DAB1: variants seen among roughly 807,000 people sequenced by gnomAD.
The protein encoded by DAB1 is DAB adaptor protein 1.
Under a neutral mutation model 64.6 loss-of-function variants are expected in DAB1, and 15 were observed. The observed-to-expected ratio is 0.23, with a 90% confidence interval of 0.16 to 0.36. The LOEUF (loss-of-function observed/expected upper bound fraction) is 0.36, where lower values mean the gene tolerates loss of function less well. DAB1 is among the 10% of genes least tolerant of loss of function. The pLI, the probability that DAB1 is intolerant of heterozygous loss-of-function variation, is 1.00. For synonymous variants in DAB1, 235 were observed against 251.9 expected, an observed-to-expected ratio of 0.93 and a Z score of 0.64; for missense variants, 596 against 706.7, an observed-to-expected ratio of 0.84 and a Z score of 1.78.
At chr1:57,839,019 G>A (rs1423407327) in intron 1 of DAB1, among the ~76,000 whole-genome samples, 1 of 151,974 alleles carries the variant, frequency 6.6e-6, no homozygotes, top group Non-Finnish European at 1.5e-5. Context: ...AGCTTCATGT[G>A]ATCCTCCCAT....
intron 4 of DAB1, among the ~76,000 whole-genome samples, chr1:58,212,108 G>A (rs1557697589): frequency 6.6e-6 from 1 of 152,174 alleles, no homozygotes; most frequent in Non-Finnish European, 1.5e-5. Flanking sequence ...CTCCATTGGT[G>A]TTTAATGACC....
chr1:57,962,270 G>A (rs535792530), intron 5 of DAB1, among the ~76,000 whole-genome samples: 5 of 152,204 alleles, frequency 3.3e-5, no homozygotes, highest in Admixed American at 6.5e-5. Flanking sequence ...AAATATCACC[G>A]TATCTGCCTG....
At chr1:57,376,182 G>C (rs1570401208) in intron 1 of DAB1, among the ~76,000 whole-genome samples, 1 of 152,156 alleles carries the variant, frequency 6.6e-6, no homozygotes, top group Non-Finnish European at 1.5e-5. Context: ...TGCTCTGCCA[G>C]ACTTACTCCA....
chr1:58,099,537 T>C (rs868200112), intron 5 of DAB1, among the ~76,000 whole-genome samples: 2 of 152,214 alleles, frequency 1.3e-5, no homozygotes, highest in Non-Finnish European at 2.9e-5. Flanking sequence ...CCATTTGCTA[T>C]GCGCCAGGCA....
intron 7 of DAB1, among the ~76,000 whole-genome samples, chr1:57,585,080 C>T (rs1481578986): frequency 1.3e-5 from 2 of 151,976 alleles, no homozygotes; most frequent in Non-Finnish European, 2.9e-5. Flanking sequence ...GAAACCTCGT[C>T]TCTACTAAAA....
chr1:57,376,997 C>T (rs1386735836), intron 1 of DAB1, among the ~76,000 whole-genome samples: 1 of 152,140 alleles, frequency 6.6e-6, no homozygotes, highest in Non-Finnish European at 1.5e-5. Flanking sequence ...GTCCAGGTGC[C>T]GGTGGCTCAT....
At chr1:57,083,864 A>G (rs1652800648) in intron 4 of DAB1, among the ~76,000 whole-genome samples, 2 of 152,172 alleles carry the variant, frequency 1.3e-5, no homozygotes, top group Non-Finnish European at 2.9e-5. Flanking sequence ...ACTTTCGTTA[A>G]CTTGGACAAA....
chr1:57,845,377 T>A (rs1653234465), intron 1 of DAB1, among the ~76,000 whole-genome samples: 2 of 152,154 alleles, frequency 1.3e-5, no homozygotes, highest in Non-Finnish European at 2.9e-5. Flanking sequence ...GGGGAAAAAG[T>A]GAACTGATGG....
intron 3 of DAB1, among the ~76,000 whole-genome samples, chr1:58,504,857 A>G (rs918179445): frequency 6.6e-6 from 1 of 152,162 alleles, no homozygotes; most frequent in Middle Eastern, 3.2e-3. Context: ...CAAGAACCAT[A>G]TCTTATTCCT....
intron 1 of DAB1, among the ~76,000 whole-genome samples, chr1:57,385,280 T>C (rs1343406093): frequency 6.6e-6 from 1 of 152,248 alleles, no homozygotes; most frequent in Admixed American, 6.5e-5. Flanking sequence ...ATGTTTCACA[T>C]AAAATTATTT....
At chr1:57,016,649 A>G (rs1353774241) in intron 11 of DAB1, among the ~76,000 whole-genome samples, 1 of 151,928 alleles carries the variant, frequency 6.6e-6, no homozygotes, top group African/African-American at 2.4e-5. Flanking sequence ...ATGCATCAGT[A>G]CAGGTTACAC....
chr1:57,138,738 C>T (rs1305267451), intron 3 of DAB1, among the ~76,000 whole-genome samples: 1 of 152,140 alleles, frequency 6.6e-6, no homozygotes, highest in Non-Finnish European at 1.5e-5. Context: ...TTTAATGCCA[C>T]CCTCTCTGAC....
intron 3 of DAB1, among the ~76,000 whole-genome samples, chr1:58,463,762 C>G (rs1645267253): frequency 6.6e-6 from 1 of 152,178 alleles, no homozygotes; most frequent in African/African-American, 2.4e-5. Context: ...TGTGGATGGC[C>G]ATGTGGACCC....
At chr1:57,557,910 G>A (rs1173645695) in intron 7 of DAB1, among the ~76,000 whole-genome samples, 1 of 152,192 alleles carries the variant, frequency 6.6e-6, no homozygotes, top group African/African-American at 2.4e-5. Flanking sequence ...CAGATACTGA[G>A]CCTCAAATCT....
At chr1:57,903,304 T>A (rs1270970759) in intron 5 of DAB1, among the ~76,000 whole-genome samples, 4 of 152,194 alleles carry the variant, frequency 2.6e-5, no homozygotes, top group African/African-American at 9.6e-5. Flanking sequence ...TCTAATTCTA[T>A]CATTCCTCTA....
intron 4 of DAB1, among the ~76,000 whole-genome samples, chr1:58,263,705 A>G (rs970258278): frequency 6.7e-6 from 1 of 148,828 alleles, no homozygotes; most frequent in Non-Finnish European, 1.5e-5. Context: ...AGAATGACTG[A>G]CCATACAAAC....
intron 1 of DAB1, chr1:57,876,763 G>A (rs72918556): frequency 2.0e-5 from 3 of 152,126 alleles, no homozygotes; most frequent in East Asian, 3.9e-4. Flanking sequence ...AGTGGGCCTC[G>A]ATTGCTTAGA....
chr1:57,287,032 C>T (rs2100650408), intron 2 of DAB1, among the ~76,000 whole-genome samples: 1 of 152,254 alleles, frequency 6.6e-6, no homozygotes, highest in East Asian at 1.9e-4. Context: ...AAAAACACTT[C>T]CTAGAAAATA....
chr1:57,786,247 A>G (rs935780645), intron 6 of DAB1, among the ~76,000 whole-genome samples: 4 of 152,212 alleles, frequency 2.6e-5, no homozygotes, highest in African/African-American at 9.6e-5. Flanking sequence ...CAAAAAATTC[A>G]TGACTCTCTT....
Sources: gnomAD v4.1 joint callset for allele counts (sites outside exome capture counted in the v4.1 genomes callset) on GRCh38, gnomAD v4.1.1 for gene constraint, MANE v1.5 for transcripts, NCBI Gene and HGNC (gene_info 2026-07-23, HGNC 2026-07-21) for gene names.